Variants in CABLES2 observed in about 807,000 individuals in gnomAD.
The protein encoded by CABLES2 is CDK5 and ABL1 enzyme substrate 2.
CABLES2 carries 35 observed loss-of-function variants against 44.8 expected under a neutral mutation model. The ratio of observed to expected loss-of-function variants is 0.78; its 90% confidence interval spans 0.60 to 1.04. The LOEUF is 1.04. Ranked by LOEUF, CABLES2 falls within the 50% of genes least tolerant of loss-of-function variation. The pLI is 0.00. For missense variants in CABLES2, 566 were observed against 615.7 expected (o/e 0.92, Z 0.85); for synonymous variants, 282 against 281.1 (o/e 1.00, Z -0.03).
At chr20:62,394,544 G>A (rs1476602353) in intron 4 of CABLES2, among the ~76,000 whole-genome samples, 1 of 152,116 alleles carries the variant, frequency 6.6e-6, no homozygotes, top group Admixed American at 6.5e-5. Flanking sequence ...ATGTGCCCAC[G>A]CCTGGTCAGG....
intron 1 of CABLES2, among the ~76,000 whole-genome samples, chr20:62,398,147 G>T (rs1284919460): frequency 8.2e-6 from 1 of 122,346 alleles, no homozygotes; most frequent in Non-Finnish European, 1.7e-5. Flanking sequence ...TGATGGTGGT[G>T]GTGGTGGTGA....
intron 1 of CABLES2, among the ~76,000 whole-genome samples, chr20:62,397,992 GTGA>G (rs1259462928): frequency 1.3e-4 from 11 of 82,126 alleles, no homozygotes; most frequent in Admixed American, 1.0e-3. Context: ...GGCGGTGGTG[GTGA>G]TGATGGTGAT....
At chr20:62,399,466 C>T (rs1487710076) in intron 1 of CABLES2, among the ~76,000 whole-genome samples, 2 of 151,358 alleles carry the variant, frequency 1.3e-5, no homozygotes, top group Admixed American at 6.6e-5. Context: ...CCAGGATGGT[C>T]TTGATCTCCT....
Position 62,393,470 on chromosome 20 carries a change from TG to T in CABLES2, c.849del (p.Thr284ProfsTer10). The T allele has an allele frequency of 6.2e-7, 1 of 1,611,092 alleles. No homozygotes were observed. The highest frequency in any genetic ancestry group is 1.1e-5 in the South Asian group (1 of 90,602). On this transcript the variant is annotated frameshift_variant, in exon 6 of 10. Coordinates refer to ENST00000279101, the MANE Select transcript of CABLES2 (RefSeq NM_031215.3). LOFTEE classifies it high-confidence loss of function. ...TCTGTGCTGGCTGGTGCCGACTTGG[TG>T]GGGGCAGGTTTATGTCTTGACCCTG... Reference protein sequence around the residue: ...TLPGSRHKPAPTKSAPASTEL... With the variant: ...TLPGSRHKPAXTKSAPASTEL...
intron 1 of CABLES2, among the ~76,000 whole-genome samples, chr20:62,399,410 C>G (rs1988146777): frequency 1.3e-5 from 2 of 151,510 alleles, no homozygotes; most frequent in South Asian, 4.2e-4. Flanking sequence ...CCACGCTCAG[C>G]TAATTTTTTT....
chr20:62,395,444 G>A (rs1179787726), intron 3 of CABLES2, among the ~76,000 whole-genome samples: 2 of 152,224 alleles, frequency 1.3e-5, no homozygotes, highest in Non-Finnish European at 1.5e-5. Context: ...TGGGTGGAGC[G>A]GGGCTCAACA....
Position 62,390,655 on chromosome 20 carries a change from C to T in CABLES2, c.*316G>A, listed in dbSNP as rs1987897663. 2 of 376,402 alleles carry T rather than the reference C, an allele frequency of 5.3e-6. No homozygotes were observed. The highest frequency in any genetic ancestry group is 1.0e-4 in the East Asian group (2 of 19,934). The allele number at this position is 376,402 out of a possible 1,614,324, so 23.3% of individuals were successfully genotyped here. ...CCGGCTCGCTGCTGCACGCTGTGAA[C>T]AAAAGGTCCTGGTACCAGGCTGGTC... On this transcript the variant is annotated 3_prime_UTR_variant, in exon 10 of 10. Coordinates refer to ENST00000279101, the MANE Select transcript of CABLES2 (RefSeq NM_031215.3).
chr20:62,390,688 C>T lies in CABLES2; in HGVS notation c.*283G>A, dbSNP rs138698776. The stretch of plus-strand genomic sequence containing the variant: ...CCTGGTACCAGGCTGGTCTCAGGCA[C>T]GTGAAAAAAATACCAGTAACAAACC... On this transcript the variant is annotated 3_prime_UTR_variant, in exon 10 of 10. Coordinates refer to ENST00000279101, the MANE Select transcript of CABLES2 (RefSeq NM_031215.3). 32 of 444,534 alleles carry T rather than the reference C, an allele frequency of 7.2e-5. No individual in the cohort carries two copies. The highest frequency in any genetic ancestry group is 6.3e-4 in the Middle Eastern group (1 of 1,592). The allele number at this position is 444,534 out of a possible 1,614,324, so 27.5% of individuals were successfully genotyped here.
intron 8 of CABLES2, among the ~76,000 whole-genome samples, chr20:62,392,042 G>T (rs1987928191): frequency 1.3e-5 from 2 of 152,220 alleles, no homozygotes; most frequent in East Asian, 3.9e-4. Context: ...GCCAGGGGAA[G>T]GGCCACGGAA....
At chr20:62,398,048 G>GTA (rs1601475813) in intron 1 of CABLES2, among the ~76,000 whole-genome samples, 2 of 149,522 alleles carry the variant, frequency 1.3e-5, no homozygotes, top group Non-Finnish European at 3.0e-5. Context: ...TGGTGATGGT[G>GTA]GTGATGGCGA....
chr20:62,391,214 C>T lies in CABLES2; in HGVS notation c.1296+35G>A, dbSNP rs762846307. On this transcript the variant is annotated intron_variant, in intron 9 of 9. Coordinates refer to ENST00000279101, the MANE Select transcript of CABLES2 (RefSeq NM_031215.3). This position sits in a 1 kb window ranked among gnomAD's most constrained non-coding sequence, Gnocchi z 5.7. Reference sequence around the variant, plus strand: ...CAGTGGCCCTGGCTCGATGTCATGACCCTGCCTGCAGTGCCTGCCGAGCCG... The same window carrying T: ...CAGTGGCCCTGGCTCGATGTCATGATCCTGCCTGCAGTGCCTGCCGAGCCG... 3.1e-6 allele frequency: 5 copies of T among 1,603,392 alleles called. No individual in the cohort carries two copies. In the South Asian group the frequency reaches 5.5e-5, roughly 18 times the overall value.
Position 62,394,984 on chromosome 20 carries a change from CAG to C in CABLES2, c.556_557del (p.Leu186ValfsTer17). 1 of 1,612,998 alleles carries C rather than the reference CAG, an allele frequency of 6.2e-7. No homozygotes were observed. The highest frequency in any genetic ancestry group is 1.7e-5 in the Admixed American group (1 of 60,012). On this transcript the variant is annotated frameshift_variant, in exon 4 of 10. Transcript: ENST00000279101. LOFTEE classifies it high-confidence loss of function. The part of the protein sequence containing the change: ...RIVLICAKRS[L>X]CAAFSVLPYG... The stretch of plus-strand genomic sequence containing the variant: ...AGGGCAGGACCGAGAAGGCCGCGCA[CAG>C]GGACCGCTTGGCACAGATGAGCACG...
chr20:62,397,951 T>TGGTGGTGGTGGTGGTGGTG (rs1569017203), intron 1 of CABLES2, among the ~76,000 whole-genome samples: 1 of 24,116 alleles, frequency 4.1e-5, no homozygotes, highest in African/African-American at 2.9e-4. Flanking sequence ...GTGGTGACGG[T>TGGTGGTGGTGGTGGTGGTG]AGTGGTGGTG....
intron 4 of CABLES2, 123 bp downstream of exon 4, chr20:62,394,814 G>T: frequency 1.2e-6 from 1 of 825,872 alleles, no homozygotes; most frequent in Non-Finnish European, 1.9e-6. Flanking sequence ...AGCCTCGCAT[G>T]AGCCCGGGGG....
At chr20:62,398,304 T>C (rs1778426196) in intron 1 of CABLES2, among the ~76,000 whole-genome samples, 3 of 143,918 alleles carry the variant, frequency 2.1e-5, no homozygotes, top group South Asian at 2.2e-4. Flanking sequence ...GCGATGGTGA[T>C]GACGGTGGTG....
rs1156934562 is a variant in CABLES2 at position 62,390,526 on chromosome 20, C to T, written c.*445G>A. On this transcript the variant is annotated 3_prime_UTR_variant, in exon 10 of 10. Coordinates refer to ENST00000279101, the MANE Select transcript of CABLES2 (RefSeq NM_031215.3). The stretch of plus-strand genomic sequence containing the variant: ...AATGCCTAAATAAGTTAAACTCAGC[C>T]ATTCCAGTGTGTTCAGTGAGGTCTA... 6.2e-6 allele frequency: 1 copy of T among 162,210 alleles called. No homozygotes were observed. Among genetic ancestry groups the T allele is most frequent in the East Asian group, 1.7e-4 (1 of 5,766 alleles). The allele number at this position is 162,210 out of a possible 1,614,324, so 10.0% of individuals were successfully genotyped here. A position where few individuals can be genotyped will look rare whatever the true frequency, so the allele number is the denominator to read the frequency against.
chr20:62,394,328 C>G, intron 4 of CABLES2, 63 bp from the exon 5 acceptor site: 1 of 1,359,798 alleles, frequency 7.4e-7, no homozygotes, highest in South Asian at 1.2e-5. Flanking sequence ...GGCAGCCCAG[C>G]CCACCTGTCC....
rs538501741 is a variant in CABLES2, at chr20:62,406,745, C to T, written c.362+170G>A. ...ACAAGGCCCCAGGTGAACCCAACCCCTTTGTCCTGGCCTCTGTCCAGGGCT... is the reference window on the plus strand; with the variant it reads ...ACAAGGCCCCAGGTGAACCCAACCCTTTTGTCCTGGCCTCTGTCCAGGGCT... On this transcript the variant is annotated intron_variant, in intron 1 of 9. Coordinates refer to ENST00000279101, the MANE Select transcript of CABLES2 (RefSeq NM_031215.3). Among the ~76,000 whole-genome samples, 49 of 112,648 alleles carry T rather than the reference C, an allele frequency of 4.3e-4. 2 individuals carry two copies. In the South Asian group the frequency reaches 0.011, roughly 26 times the overall value. 73.9% of individuals were successfully genotyped at this position (112,648 alleles called of 152,430 possible).
Position 62,406,955 on chromosome 20 carries a change from G to C in CABLES2, c.322C>G (p.Gln108Glu). ...PAPQGLLSPTQVPTGLGLDGQ... is the reference protein window; with the variant it reads ...PAPQGLLSPTEVPTGLGLDGQ... ...TCCAGGCCGAGGCCGGTGGGCACCTGCGTGGGGCTGAGCAGGCCCTGGGGC... is the reference window on the plus strand; with the variant it reads ...TCCAGGCCGAGGCCGGTGGGCACCTCCGTGGGGCTGAGCAGGCCCTGGGGC... The change falls in exon 1 of 10, where the codon CAG becomes GAG. Residue 108 changes from glutamine (Q) to glutamate (E), a missense_variant. Gln to Glu is a conservative substitution (Grantham distance 29, BLOSUM62 2). This residue lies in a region of CABLES2 where 436 missense variants were observed against 536.3 expected (regional missense o/e 0.81). Transcript: ENST00000279101. 4.1e-6 allele frequency: 5 copies of C among 1,215,630 alleles called. No homozygotes were observed. The highest frequency in any genetic ancestry group is 4.1e-6 in the Non-Finnish European group (4 of 977,190). 75.3% of individuals were successfully genotyped at this position (1,215,630 alleles called of 1,614,324 possible).
Sources: allele counts gnomAD v4.1 joint callset (sites outside exome capture counted in the v4.1 genomes callset), GRCh38; gene constraint gnomAD v4.1.1; regional missense constraint gnomAD v4.1.1; non-coding constraint Gnocchi (gnomAD v3.1); transcripts MANE v1.5; gene names NCBI Gene and HGNC (gene_info 2026-07-23, HGNC 2026-07-21).